The following ZNF618 variants were observed in gnomAD, a reference collection of about 807,000 sequenced individuals.
ZNF618 encodes the protein neural precursor cell expressed, developmentally down-regulated 10.
A neutral mutation model predicts 103.0 loss-of-function variants in ZNF618; 34 were observed. The observed-to-expected ratio is 0.33, with a 90% CI of 0.25 to 0.44. The LOEUF (loss-of-function observed/expected upper bound fraction) is 0.44, where lower values mean the gene tolerates loss of function less well. ZNF618 is among the 20% of genes least tolerant of loss of function. The pLI is 1.00. For missense variants in ZNF618, 1,059 were observed against 1,295.4 expected (o/e 0.82, Z 2.80); for synonymous variants, 551 against 542.2 (o/e 1.02, Z -0.23).
At chr9:113,981,186 C>G (rs145712023) in intron 2 of ZNF618, among the ~76,000 whole-genome samples, 85 of 152,224 alleles carry the variant, frequency 5.6e-4, no homozygotes, top group African/African-American at 2.0e-3. Flanking sequence ...GGGGAGTTAA[C>G]CAAGTCATTA....
chr9:114,015,123 T>C (rs1384960856), intron 9 of ZNF618, among the ~76,000 whole-genome samples: 1 of 152,134 alleles, frequency 6.6e-6, no homozygotes, highest in Non-Finnish European at 1.5e-5. Context: ...AGCAAGTAAC[T>C]TACCATTTCC....
At chr9:114,000,548 TCTTCC>T (rs1339772630) in intron 4 of ZNF618, among the ~76,000 whole-genome samples, 1 of 150,866 alleles carries the variant, frequency 6.6e-6, no homozygotes, top group Non-Finnish European at 1.5e-5. Context: ...AGACAATTCT[TCTTCC>T]AGTGTGACCC....
chr9:114,015,721 A>G (rs1445719097), intron 9 of ZNF618, among the ~76,000 whole-genome samples: 1 of 152,232 alleles, frequency 6.6e-6, no homozygotes, highest in Admixed American at 6.5e-5. Flanking sequence ...CTTAATAGGG[A>G]AAAAATTTTG....
intron 11 of ZNF618, among the ~76,000 whole-genome samples, chr9:114,029,741 C>T (rs1474554248): frequency 2.0e-5 from 3 of 152,212 alleles, no homozygotes; most frequent in Non-Finnish European, 2.9e-5. Flanking sequence ...TAGCACTACC[C>T]GTGAAACTCC....
At chr9:113,928,507 T>C in intron 1 of ZNF618, among the ~76,000 whole-genome samples, 1 of 152,238 alleles carries the variant, frequency 6.6e-6, no homozygotes. Context: ...AGACCTGACG[T>C]ATCTATTAAT....
At chr9:114,043,384 C>A (rs1845381811) in intron 13 of ZNF618, among the ~76,000 whole-genome samples, 1 of 152,202 alleles carries the variant, frequency 6.6e-6, no homozygotes, top group African/African-American at 2.4e-5. Flanking sequence ...ATATCCCTGT[C>A]TACACCTTTT....
chr9:114,047,734 A>T (rs570458529), intron 13 of ZNF618, among the ~76,000 whole-genome samples, 159 bp from the exon 14 acceptor site: 1 of 152,328 alleles, frequency 6.6e-6, no homozygotes, highest in South Asian at 2.1e-4. Context: ...GAGGCTTTGC[A>T]AGCATAGATA....
chr9:114,019,746 G>A lies in ZNF618; in HGVS notation c.844+2962G>A, dbSNP rs58769230. Among the ~76,000 whole-genome samples the A allele has an allele frequency of 6.9e-3, 1,052 of 152,220 alleles. 10 individuals are homozygous for A. The highest frequency in any genetic ancestry group is 0.022 in the African/African-American group (901 of 41,528). ...TCTTTCTATATTCCAGTAGGCCTGGGTTCTTTGCCAGATACATGTACTGTG... is the reference window on the plus strand; with the variant it reads ...TCTTTCTATATTCCAGTAGGCCTGGATTCTTTGCCAGATACATGTACTGTG... On this transcript the variant is annotated intron_variant, in intron 10 of 14. Coordinates refer to ENST00000374126, the MANE Select transcript of ZNF618 (RefSeq NM_001318042.2).
At chr9:114,012,921 A>G (rs1842374031) in intron 9 of ZNF618, among the ~76,000 whole-genome samples, 2 of 152,150 alleles carry the variant, frequency 1.3e-5, no homozygotes, top group African/African-American at 2.4e-5. Context: ...CATAATCATC[A>G]TGTATCAGAT....
intron 4 of ZNF618, 111 bp downstream of exon 4, chr9:113,998,465 C>T (rs1267711924): frequency 1.0e-6 from 1 of 998,800 alleles, no homozygotes; most frequent in Non-Finnish European, 1.5e-6. Flanking sequence ...GTTAGCATCT[C>T]AGGGTCAAGA....
chr9:113,941,467 C>T (rs182017401), intron 1 of ZNF618, among the ~76,000 whole-genome samples: 3 of 152,050 alleles, frequency 2.0e-5, no homozygotes, highest in Admixed American at 1.3e-4. Flanking sequence ...ATTTATTTTC[C>T]TTAATGTTTT....
intron 1 of ZNF618, among the ~76,000 whole-genome samples, chr9:113,901,867 C>G (rs528494034): frequency 9.9e-5 from 15 of 152,142 alleles, no homozygotes; most frequent in African/African-American, 3.6e-4. Flanking sequence ...TTTTCCTCTG[C>G]GTGTCTAACT....
chr9:113,876,378 C>G lies in ZNF618; in HGVS notation c.-3C>G. On this transcript the variant is annotated 5_prime_UTR_variant, in exon 1 of 15. Transcript: ENST00000374126. ...CCGGGGCCGCCTCCTCCCGCACGGACCCATGAACCAGCCGGGCGGCGCGGC... is the reference window on the plus strand; with the variant it reads ...CCGGGGCCGCCTCCTCCCGCACGGAGCCATGAACCAGCCGGGCGGCGCGGC... The G allele has an allele frequency of 8.4e-7, 1 of 1,194,378 alleles. No homozygotes were observed. The highest frequency in any genetic ancestry group is 1.0e-6 in the Non-Finnish European group (1 of 964,464). 74.0% of individuals were successfully genotyped at this position (1,194,378 alleles called of 1,614,324 possible).
chr9:113,876,797 A>T (rs1305189025), intron 1 of ZNF618, among the ~76,000 whole-genome samples: 2 of 97,720 alleles, frequency 2.0e-5, no homozygotes, highest in Non-Finnish European at 3.9e-5. Context: ...TTTTCCCCTG[A>T]CCCTCTCTGC....
intron 3 of ZNF618, among the ~76,000 whole-genome samples, chr9:113,994,134 G>T (rs1840339372): frequency 6.6e-6 from 1 of 152,182 alleles, no homozygotes; most frequent in African/African-American, 2.4e-5. Flanking sequence ...ACATAGGGCA[G>T]CCCAGAGAGC....
intron 1 of ZNF618, among the ~76,000 whole-genome samples, chr9:113,951,493 G>GTACACATATATGTGTA (rs1835690601): frequency 3.9e-5 from 2 of 51,260 alleles, no homozygotes; most frequent in African/African-American, 6.4e-5. Flanking sequence ...ATATATGTGT[G>GTACACATATATGTGTA]TATGTGTACA....
rs200184766 is a variant in ZNF618 at position 114,005,355 on chromosome 9, G to A, written c.551-1995G>A. 3.3e-5 allele frequency among the ~76,000 whole-genome samples: 5 copies of A among 152,310 alleles called. No individual in the cohort carries two copies. In the East Asian group the frequency reaches 9.6e-4, roughly 29 times the overall value. On this transcript the variant is annotated intron_variant, in intron 6 of 14. Transcript: ENST00000374126. The stretch of plus-strand genomic sequence containing the variant: ...CTCCTTTTTGGGGATAACCCTCTTG[G>A]CCTAATCATTTCCTGACTGACGAAG...
At chr9:114,030,320 T>G (rs1163017805) in intron 11 of ZNF618, among the ~76,000 whole-genome samples, 1 of 152,196 alleles carries the variant, frequency 6.6e-6, no homozygotes, top group African/African-American at 2.4e-5. Flanking sequence ...AGCCGTTGTG[T>G]TTTTCAACAG....
At chr9:114,006,095 A>G (rs769690747) in intron 6 of ZNF618, among the ~76,000 whole-genome samples, 1 of 152,204 alleles carries the variant, frequency 6.6e-6, no homozygotes, top group African/African-American at 2.4e-5. Flanking sequence ...AGAGGTGGCT[A>G]ATGCCATTTG....
Sources: allele counts gnomAD v4.1 joint callset (sites outside exome capture counted in the v4.1 genomes callset), GRCh38; gene constraint gnomAD v4.1.1; transcripts MANE v1.5; gene names NCBI Gene and HGNC (gene_info 2026-07-23, HGNC 2026-07-21).